Variants in SYT16 observed in about 807,000 individuals in gnomAD.
SYT16 encodes synaptotagmin-16.
Under a neutral mutation model 61.4 loss-of-function variants are expected in SYT16, and 42 were observed. The observed-to-expected ratio is 0.68, with a 90% CI of 0.53 to 0.89. The LOEUF (loss-of-function observed/expected upper bound fraction) is 0.89. Among genes scored for constraint, SYT16 ranks in the 40% least tolerant of loss-of-function variants. SYT16 has a pLI of 0.00. For missense variants in SYT16, 804 were observed against 807.3 expected, an observed-to-expected ratio of 1.00 and a Z score of 0.05; for synonymous variants, 314 against 302.3, an observed-to-expected ratio of 1.04 and a Z score of -0.40.
intron 1 of SYT16, chr14:61,831,916 G>T (rs938078642): frequency 9.8e-6 from 5 of 508,296 alleles, no homozygotes; most frequent in African/African-American, 9.8e-5. Flanking sequence ...AGCCCTGCAG[G>T]GGTTCACCTC....
chr14:61,848,050 C>G (rs571875150), intron 1 of SYT16, among the ~76,000 whole-genome samples: 1 of 152,292 alleles, frequency 6.6e-6, no homozygotes, highest in South Asian at 2.1e-4. Context: ...CTCAGATTGA[C>G]CCCTGAGGGC....
intron 2 of SYT16, among the ~76,000 whole-genome samples, chr14:61,971,818 T>C (rs1325333542): frequency 2.0e-5 from 3 of 152,236 alleles, no homozygotes; most frequent in Admixed American, 2.0e-4. Context: ...ATATGACTTA[T>C]TCTGAAAATA....
intron 1 of SYT16, among the ~76,000 whole-genome samples, chr14:61,858,432 A>T (rs2046852505): frequency 6.6e-6 from 1 of 152,118 alleles, no homozygotes; most frequent in African/African-American, 2.4e-5. Context: ...CAATACATCA[A>T]CTCTTAAGTT....
At chr14:62,076,455 A>G (rs1436974238) in intron 5 of SYT16, among the ~76,000 whole-genome samples, 1 of 151,944 alleles carries the variant, frequency 6.6e-6, no homozygotes, top group Non-Finnish European at 1.5e-5. Context: ...AAAAAAAAAA[A>G]AGGAATCACA....
Position 62,022,862 on chromosome 14 carries a change from T to C in SYT16, c.523+26320T>C, listed in dbSNP as rs116728973. 4.8e-3 allele frequency among the ~76,000 whole-genome samples: 732 copies of C among 152,300 alleles called. 4 individuals are homozygous for C. Among genetic ancestry groups the C allele is most frequent in the African/African-American group, 0.017 (698 of 41,558 alleles). On this transcript the variant is annotated intron_variant, in intron 3 of 7. Transcript: ENST00000683842. The stretch of plus-strand genomic sequence containing the variant: ...TATCAATTGGATTCTTAATTTTAGT[T>C]ATAGAATACTTTTAAGTTCTAGATT...
intron 3 of SYT16, among the ~76,000 whole-genome samples, chr14:62,002,051 A>G (rs2053039683): frequency 6.6e-6 from 1 of 152,006 alleles, no homozygotes; most frequent in Non-Finnish European, 1.5e-5. Context: ...CCAATATCTG[A>G]GTCATATTTG....
At chr14:61,877,511 G>T (rs1193561307) in intron 1 of SYT16, among the ~76,000 whole-genome samples, 1 of 152,238 alleles carries the variant, frequency 6.6e-6, no homozygotes. Context: ...CGTTAGATCT[G>T]AGGTATAACC....
chr14:61,822,246 A>G (rs536628663), intron 1 of SYT16, among the ~76,000 whole-genome samples: 1 of 152,342 alleles, frequency 6.6e-6, no homozygotes, highest in East Asian at 1.9e-4. Flanking sequence ...CTCACGTCCA[A>G]GGGCAGGAGG....
At chr14:62,026,388 ATCTGGTG>A (rs1050236335) in intron 3 of SYT16, among the ~76,000 whole-genome samples, 8 of 152,230 alleles carry the variant, frequency 5.3e-5, no homozygotes, top group African/African-American at 7.2e-5. Context: ...AGGCACTGGT[ATCTGGTG>A]TCTGGTGTCT....
At chr14:61,911,695 C>CT (rs1382368421) in intron 1 of SYT16, among the ~76,000 whole-genome samples, 2 of 152,144 alleles carry the variant, frequency 1.3e-5, no homozygotes, top group African/African-American at 2.4e-5. Context: ...TAGCAACAGA[C>CT]TTTTTTATAG....
chr14:62,000,099 A>ATTTTTTTTTTTTTT, intron 3 of SYT16, among the ~76,000 whole-genome samples: 4 of 18,950 alleles, frequency 2.1e-4, no homozygotes, highest in African/African-American at 2.8e-4. Context: ...TTGTCTCTCG[A>ATTTTTTTTTTTTTT]TTTTTTTTTT....
intron 3 of SYT16, among the ~76,000 whole-genome samples, chr14:62,060,808 G>C (rs2055794507): frequency 6.6e-6 from 1 of 151,910 alleles, no homozygotes; most frequent in Non-Finnish European, 1.5e-5. Context: ...TTGTTAGAAG[G>C]AGTTTATATT....
At position 61,866,708 on chromosome 14, in the gene SYT16, G is replaced by T. The variant is rs187962666; in HGVS notation, c.-325+53898G>T. Among the ~76,000 whole-genome samples, 15 of 152,132 alleles carry T rather than the reference G, an allele frequency of 9.9e-5. No homozygotes were observed. In the East Asian group the frequency reaches 2.9e-3, roughly 29 times the overall value. ...TGCAAATACTCTCCTGTAGTCTGTG[G>T]CTTGCCTTTTAGTTTTTCTAACAGC... is the stretch of plus-strand genomic sequence containing the variant. On this transcript the variant is annotated intron_variant, in intron 1 of 7. Transcript: ENST00000683842.
intron 2 of SYT16, among the ~76,000 whole-genome samples, chr14:61,989,229 G>A (rs11158369): frequency 6.6e-6 from 1 of 151,912 alleles, no homozygotes; most frequent in African/African-American, 2.4e-5. Context: ...ATGAATTTGG[G>A]ATTAATATTG....
intron 1 of SYT16, among the ~76,000 whole-genome samples, chr14:61,885,948 TGAG>T (rs2047883222): frequency 6.6e-6 from 1 of 151,858 alleles, no homozygotes; most frequent in East Asian, 1.9e-4. Context: ...TATTGAAGGT[TGAG>T]GAGGCTGTGG....
chr14:62,016,422 G>A (rs1025303171), intron 3 of SYT16, among the ~76,000 whole-genome samples: 9 of 152,010 alleles, frequency 5.9e-5, no homozygotes, highest in Non-Finnish European at 1.0e-4. Flanking sequence ...GGCCGGGTGT[G>A]GTGGCTCACG....
chr14:62,099,149 G>A (rs1386680855), intron 7 of SYT16, among the ~76,000 whole-genome samples: 1 of 152,180 alleles, frequency 6.6e-6, no homozygotes, highest in Non-Finnish European at 1.5e-5. Context: ...CTAGTGGGAA[G>A]TATTGAAGAC....
chr14:62,071,763 A>G (rs1323664801), intron 4 of SYT16, among the ~76,000 whole-genome samples: 1 of 152,172 alleles, frequency 6.6e-6, no homozygotes, highest in Non-Finnish European at 1.5e-5. Context: ...TTGTTTTGTA[A>G]GATCAAATTT....
intron 1 of SYT16, among the ~76,000 whole-genome samples, chr14:61,870,436 A>G (rs544382437): frequency 6.6e-6 from 1 of 150,708 alleles, no homozygotes; most frequent in East Asian, 1.9e-4. Context: ...CCTGATGATG[A>G]TGTACTTTAG....
Sources: allele counts gnomAD v4.1 joint callset (sites outside exome capture counted in the v4.1 genomes callset), GRCh38; gene constraint gnomAD v4.1.1; transcripts MANE v1.5; gene names NCBI Gene and HGNC (gene_info 2026-07-23, HGNC 2026-07-21).